TENM4: variants seen among roughly 807,000 people sequenced by gnomAD.
TENM4 encodes the protein teneurin-4.
In TENM4, 82 loss-of-function variants were observed where a neutral mutation model predicts 243.3. The observed-to-expected ratio is 0.34, with a 90% CI of 0.28 to 0.40. The LOEUF is 0.40. Among genes scored for constraint, TENM4 ranks in the 10% least tolerant of loss-of-function variants. TENM4 has a pLI of 1.00. For synonymous variants in TENM4, 1,412 were observed against 1,456.3 expected (o/e 0.97, Z 0.69); for missense variants, 3,138 against 3,673.3 (o/e 0.85, Z 3.77).
At chr11:78,691,589 A>G (rs1341726020) in intron 28 of TENM4, among the ~76,000 whole-genome samples, 2 of 152,246 alleles carry the variant, frequency 1.3e-5, no homozygotes, top group Non-Finnish European at 2.9e-5. Context: ...TCTTGAAGAC[A>G]GAAAGAGGCT....
intron 3 of TENM4, among the ~76,000 whole-genome samples, chr11:79,164,812 C>T (rs1224031056): frequency 2.0e-5 from 3 of 151,720 alleles, no homozygotes; most frequent in African/African-American, 7.3e-5. Flanking sequence ...TTGCTGCCAC[C>T]AGGTAAGAAG....
At chr11:79,425,676 A>G (rs1437634372) in intron 1 of TENM4, among the ~76,000 whole-genome samples, 3 of 152,230 alleles carry the variant, frequency 2.0e-5, no homozygotes. Flanking sequence ...CAGTAGGGGC[A>G]CAAATGGCCT....
Position 79,311,284 on chromosome 11 carries a change from C to T in TENM4, c.-320-13741G>A, listed in dbSNP as rs186750964. On this transcript the variant is annotated intron_variant, in intron 1 of 33. Transcript: ENST00000278550. ...ATGAAATCTCAAACCCACCTAACCT[C>T]TCTGATCCTTGGTTTCTGTGCCTAT... 1.1e-3 allele frequency among the ~76,000 whole-genome samples: 162 copies of T among 152,354 alleles called. 1 individual carries two copies. The highest frequency in any genetic ancestry group is 1.6e-3 in the Non-Finnish European group (107 of 68,040).
chr11:79,238,402 A>T (rs1455258712), intron 2 of TENM4, among the ~76,000 whole-genome samples: 1 of 152,152 alleles, frequency 6.6e-6, no homozygotes, highest in Non-Finnish European at 1.5e-5. Context: ...TGAGGACCTG[A>T]ATAGAACAAA....
In TENM4 at chr11:79,085,233, G is replaced by T. The variant is rs762152040; in HGVS notation, c.-65-15224C>A. On this transcript the variant is annotated intron_variant, in intron 4 of 33. Coordinates refer to ENST00000278550, the MANE Select transcript of TENM4 (RefSeq NM_001098816.3). ...TAAAAATACAAAAAAAAAAATTAGC[G>T]GGGTGTGGTGGCGGGCACCTGTAGT... is the stretch of plus-strand genomic sequence containing the variant. Among the ~76,000 whole-genome samples, 4 of 151,952 alleles carry T rather than the reference G, an allele frequency of 2.6e-5. No homozygotes were observed. In the East Asian group the frequency reaches 5.8e-4, roughly 22 times the overall value.
chr11:78,657,984 A>G lies in TENM4; in HGVS notation c.*74T>C, dbSNP rs1590916164. ...GCACTTGTTAAAAAATCATTTTTTT[A>G]AAAGTACAACACAGTCAGGTATGCG... On this transcript the variant is annotated 3_prime_UTR_variant, in exon 34 of 34. Transcript: ENST00000278550. The G allele has an allele frequency of 6.3e-7, 1 of 1,599,844 alleles. No individual in the cohort carries two copies. Among genetic ancestry groups the G allele is most frequent in the Non-Finnish European group, 8.5e-7 (1 of 1,169,718 alleles).
chr11:79,296,599 A>G (rs1041213300), intron 2 of TENM4, among the ~76,000 whole-genome samples: 18 of 152,238 alleles, frequency 1.2e-4, no homozygotes, highest in Non-Finnish European at 2.5e-4. Context: ...GGTAGAATGC[A>G]ACAATGACCA....
At position 78,693,551 on chromosome 11, in the gene TENM4, A is replaced by G. The variant is rs145899760; in HGVS notation, c.5088-5325T>C. On this transcript the variant is annotated intron_variant, in intron 28 of 33. Coordinates refer to ENST00000278550, the MANE Select transcript of TENM4 (RefSeq NM_001098816.3). ...GACTGGCAGTTGTTTTATTTTCAGG[A>G]CGCTTTGCTTGCTACCACTGCAATT... Among the ~76,000 whole-genome samples, 262 of 152,292 alleles carry G rather than the reference A, an allele frequency of 1.7e-3. 1 individual carries two copies. The highest frequency in any genetic ancestry group is 5.9e-3 in the African/African-American group (246 of 41,562).
intron 6 of TENM4, among the ~76,000 whole-genome samples, chr11:78,972,521 C>G (rs1857569553): frequency 6.6e-6 from 1 of 152,278 alleles, no homozygotes; most frequent in Admixed American, 6.5e-5. Context: ...TTTCACCCGC[C>G]TGCCTGGGAA....
chr11:78,741,426 C>G (rs1855927572), intron 19 of TENM4, among the ~76,000 whole-genome samples: 1 of 152,120 alleles, frequency 6.6e-6, no homozygotes, highest in Admixed American at 6.5e-5. Flanking sequence ...CCACTGAACA[C>G]AGAGGTGGGA....
intron 2 of TENM4, among the ~76,000 whole-genome samples, chr11:79,264,372 T>G (rs1268813172): frequency 1.3e-5 from 2 of 152,200 alleles, no homozygotes; most frequent in Non-Finnish European, 2.9e-5. Context: ...TATGCAATTA[T>G]AAGGCATTTA....
chr11:78,747,153 G>C (rs1856068745), intron 19 of TENM4, among the ~76,000 whole-genome samples: 1 of 152,220 alleles, frequency 6.6e-6, no homozygotes, highest in Admixed American at 6.5e-5. Context: ...AGGAGGGGCT[G>C]ACAGGAAGAC....
chr11:78,904,189 T>C (rs1334018212), intron 6 of TENM4, among the ~76,000 whole-genome samples: 1 of 151,552 alleles, frequency 6.6e-6, no homozygotes, highest in African/African-American at 2.4e-5. Context: ...TGAAACCCTG[T>C]CTCTACTAAA....
chr11:79,197,353 T>C (rs1244698681), intron 3 of TENM4, among the ~76,000 whole-genome samples: 1 of 151,108 alleles, frequency 6.6e-6, no homozygotes, highest in Non-Finnish European at 1.5e-5. Context: ...TTTTTTTTTT[T>C]AAAAAGCCCC....
At chr11:78,760,870 CCAT>C (rs1222746688) in intron 18 of TENM4, among the ~76,000 whole-genome samples, 1 of 152,098 alleles carries the variant, frequency 6.6e-6, no homozygotes, top group Non-Finnish European at 1.5e-5. Context: ...ACTTATTTTC[CCAT>C]CATTTGTGTC....
chr11:79,342,768 C>T (rs1481268687), intron 1 of TENM4, among the ~76,000 whole-genome samples: 2 of 152,100 alleles, frequency 1.3e-5, no homozygotes, highest in Admixed American at 1.3e-4. Flanking sequence ...CTCTAAGCCT[C>T]AGCTCCAGGG....
chr11:78,972,497 G>A (rs1370151859), intron 6 of TENM4, among the ~76,000 whole-genome samples: 3 of 152,144 alleles, frequency 2.0e-5, no homozygotes, highest in Non-Finnish European at 2.9e-5. Context: ...GTGTTTGTCA[G>A]GAACAGACCT....
chr11:79,437,827 C>G (rs1026441033), intron 1 of TENM4, among the ~76,000 whole-genome samples: 28 of 152,292 alleles, frequency 1.8e-4, no homozygotes, highest in African/African-American at 6.7e-4. Flanking sequence ...GGGCGCCCTC[C>G]TTCTTCCTGG....
rs1856659245 is a variant in TENM4 at position 78,772,158 on chromosome 11, C to A, written c.2393-1020G>T. Reference sequence around the variant, plus strand: ...AGATGCTGTGTTCGTTCTGCTTGGACCATATTATAAAGTGGGGAAGTTTTT... The same window carrying A: ...AGATGCTGTGTTCGTTCTGCTTGGAACATATTATAAAGTGGGGAAGTTTTT... On this transcript the variant is annotated intron_variant, in intron 17 of 33. Coordinates refer to ENST00000278550, the MANE Select transcript of TENM4 (RefSeq NM_001098816.3). Among the ~76,000 whole-genome samples the A allele has an allele frequency of 2.0e-5, 3 of 152,076 alleles. No individual in the cohort carries two copies. The South Asian group carries it at 6.2e-4, about 32-fold the overall frequency.
Sources: allele counts gnomAD v4.1 joint callset (sites outside exome capture counted in the v4.1 genomes callset), GRCh38; gene constraint gnomAD v4.1.1; transcripts MANE v1.5; gene names NCBI Gene and HGNC (gene_info 2026-07-23, HGNC 2026-07-21).